The following ZFX variants were observed in gnomAD, a reference collection of about 807,000 sequenced individuals.
ZFX encodes zinc finger X-chromosomal protein.
For synonymous variants in ZFX, 196 were observed against 226.8 expected (o/e 0.86, Z 1.22); for missense variants, 362 against 628.3 (o/e 0.58, Z 4.53).
intron 3 of ZFX, among the ~76,000 whole-genome samples, chrX:24,159,479 C>G (rs1933038496): frequency 9.1e-6 from 1 of 109,635 alleles, no homozygotes; most frequent in Admixed American, 9.7e-5. Context: ...CAATCTGTTT[C>G]TTTTCTTTTT....
At chrX:24,174,641 C>T (rs1934968066) in intron 4 of ZFX, among the ~76,000 whole-genome samples, 1 of 110,598 alleles carries the variant, frequency 9.0e-6, no homozygotes, top group South Asian at 3.8e-4. Flanking sequence ...GATTCGCCTG[C>T]CTCGGCCTCC....
rs750567866 is a variant in ZFX, at chrX:24,179,820, C to T, written c.646+50C>T. The T allele has an allele frequency of 4.6e-6, 5 of 1,083,226 alleles. No individual in the cohort carries two copies. In the African/African-American group the frequency reaches 5.5e-5, roughly 12 times the overall value. The allele number at this position is 1,083,226 out of a possible 1,213,427, so 89.3% of individuals were successfully genotyped here. A position where few individuals can be genotyped will look rare whatever the true frequency, so the allele number is the denominator to read the frequency against. ...TCAAAGGTGTTTTTGTAGGCTGCCT[C>T]TTCTAATTTACATCAGGGGTGAAAT... On this transcript the variant is annotated intron_variant, in intron 5 of 9. Coordinates refer to ENST00000304543, the MANE Select transcript of ZFX (RefSeq NM_003410.4).
intron 3 of ZFX, among the ~76,000 whole-genome samples, chrX:24,169,570 G>A (rs1934360770): frequency 1.0e-5 from 1 of 95,634 alleles, no homozygotes; most frequent in Non-Finnish European, 2.1e-5. Flanking sequence ...ATATGAAGCT[G>A]AGTGGGAATG....
intron 3 of ZFX, among the ~76,000 whole-genome samples, chrX:24,169,052 G>GT (rs1319104835): frequency 1.8e-5 from 2 of 111,321 alleles, no homozygotes; most frequent in African/African-American, 6.5e-5. Context: ...TCTGAGAACA[G>GT]TTTCATTCTG....
At position 24,212,154 on chromosome X, in the gene ZFX, C is replaced by T. The variant is rs954600189; in HGVS notation, c.*778C>T. 8.9e-6 allele frequency: 1 copy of T among 112,159 alleles called. No homozygotes were observed. Among genetic ancestry groups the T allele is most frequent in the Non-Finnish European group, 1.9e-5 (1 of 53,246 alleles). The allele number at this position is 112,159 out of a possible 1,213,427, so 9.2% of individuals were successfully genotyped here. A position where few individuals can be genotyped will look rare whatever the true frequency, so the allele number is the denominator to read the frequency against. ...TGCTACAAATGACACTTACTGAGGA[C>T]TGCATTTTGGAATCTCCTAGAGGTA... On this transcript the variant is annotated 3_prime_UTR_variant, in exon 10 of 10. Coordinates refer to ENST00000304543, the MANE Select transcript of ZFX (RefSeq NM_003410.4).
chrX:24,213,527 C>T lies in ZFX; in HGVS notation c.*2151C>T, dbSNP rs1259319997. 3.6e-5 allele frequency: 4 copies of T among 111,084 alleles called. No individual in the cohort carries two copies. Among genetic ancestry groups the T allele is most frequent in the Non-Finnish European group, 7.6e-5 (4 of 52,971 alleles). The allele number at this position is 111,084 out of a possible 1,213,427, so 9.2% of individuals were successfully genotyped here. A position where few individuals can be genotyped will look rare whatever the true frequency, so the allele number is the denominator to read the frequency against. Reference sequence around the variant, plus strand: ...TCAAAATATTTGGTGTTTGGCAAACCTCTGAAGTGCTAGACTGATTTAGTC... The same window carrying T: ...TCAAAATATTTGGTGTTTGGCAAACTTCTGAAGTGCTAGACTGATTTAGTC... On this transcript the variant is annotated 3_prime_UTR_variant, in exon 10 of 10. Transcript: ENST00000304543.
At position 24,208,770 on chromosome X, in the gene ZFX, C is replaced by T. The variant is rs1601982271; in HGVS notation, c.1094-130C>T. The T allele has an allele frequency of 4.1e-6, 3 of 727,171 alleles. No individual in the cohort carries two copies. In the African/African-American group the frequency reaches 6.5e-5, roughly 16 times the overall value. The allele number at this position is 727,171 out of a possible 1,213,427, so 59.9% of individuals were successfully genotyped here. A position where few individuals can be genotyped will look rare whatever the true frequency, so the allele number is the denominator to read the frequency against. ...ATAAATGTGCTCATAAAACCCATGA[C>T]CTAGAATGGGGAATTTCTGTCATTC... is the stretch of plus-strand genomic sequence containing the variant. On this transcript the variant is annotated intron_variant, in intron 8 of 9. Coordinates refer to ENST00000304543, the MANE Select transcript of ZFX (RefSeq NM_003410.4).
At position 24,211,349 on chromosome X, in the gene ZFX, A is replaced by G. The variant is rs1237021854; in HGVS notation, c.2391A>G (p.Arg797=). Residue 797 remains arginine (R), a synonymous_variant, in exon 10 of 10, where the codon CGA becomes CGG. Transcript: ENST00000304543. ...CAGAAAAGAACCAGCACATAATGCG[A>G]CATCATAAAGAAGTTGGCCTGCCCT... ...RPSEKNQHIM[R]HHKEVGLP The G allele has an allele frequency of 2.5e-6, 3 of 1,210,809 alleles. No individual in the cohort carries two copies. In the African/African-American group the frequency reaches 5.2e-5, roughly 21 times the overall value.
chrX:24,188,861 G>A (rs1303505709), intron 5 of ZFX, among the ~76,000 whole-genome samples: 1 of 111,262 alleles, frequency 9.0e-6, no homozygotes, highest in Non-Finnish European at 1.9e-5. Flanking sequence ...TTTTTGAGAT[G>A]GAGTCTTGCT....
At chrX:24,192,758 G>T (rs1387187527) in intron 5 of ZFX, among the ~76,000 whole-genome samples, 1 of 110,156 alleles carries the variant, frequency 9.1e-6, no homozygotes, top group Non-Finnish European at 1.9e-5. Context: ...ATTAAAAAAA[G>T]AAAATAGCTA....
chrX:24,208,608 G>T (rs779943383), intron 8 of ZFX, among the ~76,000 whole-genome samples: 8 of 112,245 alleles, frequency 7.1e-5, no homozygotes, highest in Non-Finnish European at 1.5e-4. Flanking sequence ...AGGCTTTCAG[G>T]CTGAAAGTTT....
Position 24,179,531 on chromosome X carries a change from G to A in ZFX, c.407G>A (p.Gly136Asp). Residue 136 changes from glycine (G) to aspartate (D), a missense_variant, in exon 5 of 10, where the codon GGT becomes GAT. Physicochemically the swap from Gly to Asp is moderately conservative, Grantham distance 94. Coordinates refer to ENST00000304543, the MANE Select transcript of ZFX (RefSeq NM_003410.4). Reference sequence around the variant, plus strand: ...TCTATGCCAGAACACGTCTTGACGGGTGATTCTATACATGTGTCTGACGTT... The same window carrying A: ...TCTATGCCAGAACACGTCTTGACGGATGATTCTATACATGTGTCTGACGTT... The part of the protein sequence containing the change: ...SMSMPEHVLT[G>D]DSIHVSDVGH... 8.2e-7 allele frequency: 1 copy of A among 1,212,264 alleles called. No individual in the cohort carries two copies. Among genetic ancestry groups the A allele is most frequent in the Non-Finnish European group, 1.1e-6 (1 of 895,670 alleles).
rs1491510679 is a variant in ZFX at position 24,194,745 on chromosome X, AAT to A, written c.647-12580_647-12579del. On this transcript the variant is annotated intron_variant, in intron 5 of 9. Coordinates refer to ENST00000304543, the MANE Select transcript of ZFX (RefSeq NM_003410.4). Reference sequence around the variant, plus strand: ...TTATATCAATTAGCCTACAGTAAAAAATTTTTTTTTTTTTTTTTTGAGGCAGA... The same window carrying A: ...TTATATCAATTAGCCTACAGTAAAAATTTTTTTTTTTTTTTTTGAGGCAGA... Among the ~76,000 whole-genome samples the A allele has an allele frequency of 6.8e-5, 7 of 103,280 alleles. 1 individual carries two copies. The highest frequency in any genetic ancestry group is 9.8e-5 in the Non-Finnish European group (5 of 50,991). The allele number at this position is 103,280 out of a possible 115,157, so 89.7% of individuals were successfully genotyped here.
intron 9 of ZFX, among the ~76,000 whole-genome samples, chrX:24,209,361 A>G (rs1464289430): frequency 2.7e-5 from 3 of 112,310 alleles, no homozygotes; most frequent in Non-Finnish European, 5.6e-5. Flanking sequence ...TAGAGAATCT[A>G]TGTCAGCATA....
At chrX:24,187,144 C>T (rs1269040397) in intron 5 of ZFX, among the ~76,000 whole-genome samples, 1 of 112,027 alleles carries the variant, frequency 8.9e-6, no homozygotes, top group African/African-American at 3.2e-5. Flanking sequence ...TACATACATA[C>T]ATGCCTGTAG....
chrX:24,207,521 C>G, intron 6 of ZFX, 46 bp downstream of exon 6: 1 of 1,176,229 alleles, frequency 8.5e-7, no homozygotes, highest in Non-Finnish European at 1.1e-6. Flanking sequence ...CCAAATGTTT[C>G]AGCCTGATTA....
chrX:24,158,587 A>G (rs891437092), intron 3 of ZFX, among the ~76,000 whole-genome samples: 2 of 111,726 alleles, frequency 1.8e-5, no homozygotes, highest in African/African-American at 6.5e-5. Context: ...TTTATCATTA[A>G]ATATGATATT....
chrX:24,203,454 C>T (rs921081198), intron 5 of ZFX, among the ~76,000 whole-genome samples: 3 of 112,304 alleles, frequency 2.7e-5, no homozygotes, highest in Non-Finnish European at 5.6e-5. Flanking sequence ...AGAGGCAGGG[C>T]GCCCCTAAAT....
intron 4 of ZFX, among the ~76,000 whole-genome samples, chrX:24,173,349 T>C (rs1934809026): frequency 9.0e-6 from 1 of 110,809 alleles, no homozygotes. Flanking sequence ...TAATACCCAG[T>C]AGATAAAGAA....
Sources: allele counts gnomAD v4.1 joint callset (sites outside exome capture counted in the v4.1 genomes callset), GRCh38; gene constraint gnomAD v4.1.1; transcripts MANE v1.5; gene names NCBI Gene and HGNC (gene_info 2026-07-23, HGNC 2026-07-21).